PPP2R2C: variants seen among roughly 807,000 people sequenced by gnomAD.
The protein encoded by PPP2R2C is protein phosphatase 2 regulatory subunit Bgamma, also known as protein phosphatase 2, regulatory subunit B, gamma.
In PPP2R2C, 10 loss-of-function variants were observed where a neutral mutation model predicts 45.3. That is an observed-to-expected ratio of 0.22 (90% CI 0.14 to 0.37). The LOEUF (loss-of-function observed/expected upper bound fraction) is 0.37, where lower values mean the gene tolerates loss of function less well. Among genes scored for constraint, PPP2R2C ranks in the 10% least tolerant of loss-of-function variants. PPP2R2C has a pLI of 1.00. For synonymous variants in PPP2R2C, 257 were observed against 245.4 expected, an observed-to-expected ratio of 1.05 and a Z score of -0.44; for missense variants, 308 against 619.7, an observed-to-expected ratio of 0.50 and a Z score of 5.34.
chr4:6,383,012 G>T, intron 1 of PPP2R2C: 3 of 1,071,134 alleles, frequency 2.8e-6, no homozygotes, highest in Non-Finnish European at 3.4e-6. Context: ...CCCTCCCATG[G>T]TGGGCCAGGT....
Position 6,323,123 on chromosome 4 carries a change from G to T in PPP2R2C, c.*179C>A. ...GACAATTACTGCCAAACACAATTCT[G>T]GCCTAGGAAAGCTGGGGCAGGGAGG... On this transcript the variant is annotated 3_prime_UTR_variant, in exon 9 of 9. Transcript: ENST00000382599. 3 of 608,928 alleles carry T rather than the reference G, an allele frequency of 4.9e-6. No individual in the cohort carries two copies. The highest frequency in any genetic ancestry group is 1.9e-5 in the African/African-American group (1 of 53,766). 37.7% of individuals were successfully genotyped at this position (608,928 alleles called of 1,614,324 possible).
Position 6,337,146 on chromosome 4 carries a change from A to G in PPP2R2C, c.791-3415T>C, listed in dbSNP as rs1350913886. ...TATATATATATATATATATATATAT[A>G]TATATATATATATATTTGTAGTTTT... On this transcript the variant is annotated intron_variant, in intron 6 of 8. Transcript: ENST00000382599. 1.9e-4 allele frequency among the ~76,000 whole-genome samples: 15 copies of G among 78,218 alleles called. 2 individuals carry two copies. In the South Asian group the frequency reaches 3.0e-3, roughly 15 times the overall value. 51.3% of individuals were successfully genotyped at this position (78,218 alleles called of 152,430 possible).
At chr4:6,470,294 T>G (rs1283135596) in intron 1 of PPP2R2C, among the ~76,000 whole-genome samples, 4 of 152,090 alleles carry the variant, frequency 2.6e-5, no homozygotes, top group African/African-American at 9.7e-5. Flanking sequence ...TCGGTAAATA[T>G]CTCGTGTCTG....
intron 2 of PPP2R2C, among the ~76,000 whole-genome samples, chr4:6,535,083 G>A (rs1382066180): frequency 6.6e-6 from 1 of 152,192 alleles, no homozygotes; most frequent in Admixed American, 6.5e-5. Context: ...GTGGGGTGGG[G>A]CCAGGGCCCA....
At position 6,483,361 on chromosome 4, in the gene PPP2R2C, A is replaced by C. The variant is rs558232506; in HGVS notation, c.49+51910T>G. On this transcript the variant is annotated intron_variant, in intron 2 of 9. Transcript: ENST00000506140. ...ATAGAGATCATATTCCAAAGTTTCC[A>C]AAGTGGTTATATCATTTTACGTTCC... Among the ~76,000 whole-genome samples the C allele has an allele frequency of 1.2e-4, 18 of 152,262 alleles. No homozygotes were observed. In the South Asian group the frequency reaches 3.5e-3, roughly 30 times the overall value.
At chr4:6,344,886 G>C (rs1023648014) in intron 6 of PPP2R2C, among the ~76,000 whole-genome samples, 8 of 152,236 alleles carry the variant, frequency 5.3e-5, no homozygotes, top group South Asian at 2.1e-4. Context: ...TGTCATCACT[G>C]TCGACATCAT....
chr4:6,552,468 T>A (rs1725215654), intron 1 of PPP2R2C, among the ~76,000 whole-genome samples: 1 of 152,074 alleles, frequency 6.6e-6, no homozygotes, highest in African/African-American at 2.4e-5. Context: ...CAGCTCAGCA[T>A]CTTCAAATCT....
chr4:6,382,822 C>T (rs1027083729), intron 1 of PPP2R2C: 20 of 1,052,936 alleles, frequency 1.9e-5, no homozygotes, highest in African/African-American at 1.9e-4. Context: ...CTGGCTATGA[C>T]GTAGCCTCAA....
intron 5 of PPP2R2C, among the ~76,000 whole-genome samples, chr4:6,357,565 G>A (rs998170909): frequency 2.6e-5 from 4 of 152,310 alleles, no homozygotes; most frequent in African/African-American, 7.2e-5. Context: ...CACAGCCCCA[G>A]GCCTACAGGA....
intron 1 of PPP2R2C, among the ~76,000 whole-genome samples, chr4:6,555,135 G>A: frequency 6.6e-6 from 1 of 152,160 alleles, no homozygotes; most frequent in African/African-American, 2.4e-5. Flanking sequence ...GTCCTCACAT[G>A]GTAGATATCT....
chr4:6,364,127 T>C lies in PPP2R2C; in HGVS notation c.625+8396A>G, dbSNP rs1422126950. Among the ~76,000 whole-genome samples, 1 of 152,090 alleles carries C rather than the reference T, an allele frequency of 6.6e-6. No individual in the cohort carries two copies. Among genetic ancestry groups the C allele is most frequent in the Non-Finnish European group, 1.5e-5 (1 of 68,006 alleles). ...CAGGGAACGAGGTAGAGGCCAAGCC[T>C]CTAGGGAAGGGGCTCGAGGGAGTCA... On this transcript the variant is annotated intron_variant, in intron 5 of 8. Coordinates refer to ENST00000382599, the MANE Select transcript of PPP2R2C (RefSeq NM_020416.4). This position sits in a 1 kb window ranked among gnomAD's most constrained non-coding sequence, Gnocchi z 5.3.
upstream of PPP2R2C, among the ~76,000 whole-genome samples, chr4:6,473,436 T>C (rs1046152030): frequency 3.3e-5 from 5 of 152,068 alleles, no homozygotes; most frequent in Non-Finnish European, 5.9e-5. Context: ...CACCGCCTAA[T>C]GAATCACAGT....
intron 1 of PPP2R2C, among the ~76,000 whole-genome samples, chr4:6,550,474 CG>C (rs1725148424): frequency 1.3e-5 from 2 of 152,220 alleles, no homozygotes; most frequent in Admixed American, 1.3e-4. Flanking sequence ...AACGCCAACC[CG>C]AAACACGTGC....
Position 6,425,813 on chromosome 4 carries a change from CTG to C in PPP2R2C, c.71-44721_71-44720del, listed in dbSNP as rs147253945. 3.8e-3 allele frequency among the ~76,000 whole-genome samples: 556 copies of C among 148,082 alleles called. 4 individuals carry two copies. Among genetic ancestry groups the C allele is most frequent in the African/African-American group, 0.011 (444 of 40,290 alleles). ...AACAGGGCCCAGAATCGATGCTTGG[CTG>C]TGTGTGTGTGTGTGTGTGTGTGGTG... On this transcript the variant is annotated intron_variant, in intron 1 of 8. Transcript: ENST00000382599.
chr4:6,342,846 G>A (rs1560460781), intron 6 of PPP2R2C, among the ~76,000 whole-genome samples: 1 of 152,196 alleles, frequency 6.6e-6, no homozygotes, highest in Admixed American at 6.5e-5. Context: ...GATAGAGGAG[G>A]GGTCCAGGGA....
At chr4:6,348,328 C>G (rs549908555) in intron 5 of PPP2R2C, among the ~76,000 whole-genome samples, 18 of 151,778 alleles carry the variant, frequency 1.2e-4, no homozygotes, top group Non-Finnish European at 2.4e-4. Context: ...ATAGCACTGA[C>G]CTGTGGAGCC....
chr4:6,500,143 TTTTA>T (rs538819980), intron 2 of PPP2R2C, among the ~76,000 whole-genome samples: 2 of 152,106 alleles, frequency 1.3e-5, no homozygotes, highest in South Asian at 2.1e-4. Flanking sequence ...GCAGAAGGTA[TTTTA>T]TTTATTTATT....
At chr4:6,385,869 C>T (rs1217224028) in intron 1 of PPP2R2C, among the ~76,000 whole-genome samples, 1 of 152,132 alleles carries the variant, frequency 6.6e-6, no homozygotes, top group African/African-American at 2.4e-5. Context: ...GCCCGGCCTA[C>T]AAGTGCAGTC....
chr4:6,519,800 T>G (rs1015584280), intron 2 of PPP2R2C, among the ~76,000 whole-genome samples: 2 of 151,560 alleles, frequency 1.3e-5, no homozygotes, highest in African/African-American at 4.9e-5. Context: ...CAAACACCAG[T>G]GTGGGAGAGC....
Sources: allele counts gnomAD v4.1 joint callset (sites outside exome capture counted in the v4.1 genomes callset), GRCh38; gene constraint gnomAD v4.1.1; non-coding constraint Gnocchi (gnomAD v3.1); transcripts MANE v1.5; gene names NCBI Gene and HGNC (gene_info 2026-07-23, HGNC 2026-07-21).